Variants in ZBTB20 observed in about 807,000 individuals in gnomAD.
The protein encoded by ZBTB20 is zinc finger and BTB domain containing 20.
ZBTB20 carries 9 observed loss-of-function variants against 56.9 expected under a neutral mutation model. The ratio of observed to expected loss-of-function variants is 0.16; its 90% CI spans 0.10 to 0.28. The LOEUF (loss-of-function observed/expected upper bound fraction) is 0.28, where lower values mean the gene tolerates loss of function less well. Ranked by LOEUF, ZBTB20 falls within the 10% of genes least tolerant of loss-of-function variation. The pLI, the probability that ZBTB20 is intolerant of heterozygous loss-of-function variation, is 1.00. For synonymous variants in ZBTB20, 417 were observed against 420.7 expected (o/e 0.99, Z 0.11); for missense variants, 655 against 1,003.0 (o/e 0.65, Z 4.69).
intron 7 of ZBTB20, among the ~76,000 whole-genome samples, chr3:114,433,255 A>T (rs553303481): frequency 6.6e-6 from 1 of 152,316 alleles, no homozygotes; most frequent in Middle Eastern, 3.4e-3. Flanking sequence ...AAATCCCAGG[A>T]TATCTGTGCT....
intron 4 of ZBTB20, among the ~76,000 whole-genome samples, chr3:114,841,880 G>A (rs1314644700): frequency 1.3e-5 from 2 of 152,132 alleles, no homozygotes; most frequent in Admixed American, 6.5e-5. Flanking sequence ...TGGGAGGACT[G>A]CCCAATGTGA....
chr3:114,573,533 AAGAG>A (rs996267259), intron 6 of ZBTB20, among the ~76,000 whole-genome samples: 3 of 151,290 alleles, frequency 2.0e-5, no homozygotes, highest in African/African-American at 7.3e-5. Context: ...GAGAGAGAGA[AAGAG>A]AGAAAGGGAA....
intron 6 of ZBTB20, among the ~76,000 whole-genome samples, chr3:114,533,477 ATATGGGAC>A (rs1232048365): frequency 6.6e-6 from 1 of 152,176 alleles, no homozygotes; most frequent in East Asian, 1.9e-4. Context: ...CCTCCAAGAA[ATATGGGAC>A]TATGTGAAAA....
At chr3:114,808,767 T>C (rs984267620) in intron 4 of ZBTB20, among the ~76,000 whole-genome samples, 17 of 152,222 alleles carry the variant, frequency 1.1e-4, no homozygotes, top group Non-Finnish European at 1.3e-4. Flanking sequence ...ACCTAAATAA[T>C]GACGTGATGA....
intron 1 of ZBTB20, among the ~76,000 whole-genome samples, chr3:115,111,003 T>C (rs377538295): frequency 1.2e-5 from 1 of 85,006 alleles, no homozygotes; most frequent in Non-Finnish European, 2.6e-5. Flanking sequence ...AAAATAAAAA[T>C]AAAAATAAAT....
intron 5 of ZBTB20, among the ~76,000 whole-genome samples, chr3:114,700,448 G>A (rs1245434286): frequency 6.6e-6 from 1 of 152,054 alleles, no homozygotes; most frequent in Non-Finnish European, 1.5e-5. Flanking sequence ...CAGCTGTCTA[G>A]ACCTCCATAT....
At chr3:114,899,425 G>A (rs1260519320) in intron 4 of ZBTB20, among the ~76,000 whole-genome samples, 1 of 151,700 alleles carries the variant, frequency 6.6e-6, no homozygotes, top group Non-Finnish European at 1.5e-5. Context: ...TCTCTACCAG[G>A]ACAAAAATTA....
chr3:114,651,537 C>T lies in ZBTB20; in HGVS notation c.-295+41991G>A, dbSNP rs1284228165. Among the ~76,000 whole-genome samples the T allele has an allele frequency of 5.7e-5, 8 of 139,998 alleles. No homozygotes were observed. The East Asian group carries it at 1.0e-3, about 18-fold the overall frequency. The allele number at this position is 139,998 out of a possible 152,430, so 91.8% of individuals were successfully genotyped here. ...AGAAATCCAGGGAATAAGTAAAACC[C>T]TTGGTTGGATAGTAAAAAAAAAAAA... On this transcript the variant is annotated intron_variant, in intron 6 of 11. Transcript: ENST00000675478.
chr3:114,468,184 G>C (rs2092624969), intron 7 of ZBTB20, among the ~76,000 whole-genome samples: 1 of 152,098 alleles, frequency 6.6e-6, no homozygotes, highest in South Asian at 2.1e-4. Flanking sequence ...TGTAGCATGT[G>C]GGCAAGTAAG....
intron 5 of ZBTB20, among the ~76,000 whole-genome samples, chr3:114,723,968 A>G (rs182340550): frequency 6.6e-5 from 10 of 151,490 alleles, no homozygotes; most frequent in Non-Finnish European, 1.2e-4. Context: ...TCCCGGGTTC[A>G]CGCCATTCTC....
At chr3:114,989,353 T>C (rs369975894) in intron 2 of ZBTB20, among the ~76,000 whole-genome samples, 2 of 152,216 alleles carry the variant, frequency 1.3e-5, no homozygotes, top group African/African-American at 4.8e-5. Flanking sequence ...ATTTATTAAA[T>C]AGGGAATCCT....
chr3:114,969,660 T>C (rs1334036075), intron 3 of ZBTB20, among the ~76,000 whole-genome samples: 1 of 152,218 alleles, frequency 6.6e-6, no homozygotes, highest in Non-Finnish European at 1.5e-5. Flanking sequence ...GCAAATACTC[T>C]ATAACCAGGT....
intron 5 of ZBTB20, among the ~76,000 whole-genome samples, chr3:114,695,278 T>C (rs1164298080): frequency 6.6e-6 from 1 of 151,908 alleles, no homozygotes; most frequent in Admixed American, 6.6e-5. Flanking sequence ...ACAGAAAGCT[T>C]AGGCCTGCCA....
At chr3:114,594,508 G>A (rs189284806) in intron 6 of ZBTB20, among the ~76,000 whole-genome samples, 1 of 151,894 alleles carries the variant, frequency 6.6e-6, no homozygotes, top group Non-Finnish European at 1.5e-5. Context: ...CTTGTGATCC[G>A]CCCACCTCGG....
chr3:114,812,470 A>G (rs889786447), intron 4 of ZBTB20, among the ~76,000 whole-genome samples: 4 of 152,204 alleles, frequency 2.6e-5, no homozygotes, highest in Admixed American at 6.5e-5. Flanking sequence ...AGCTAGATAC[A>G]GAGTGCCGAT....
intron 3 of ZBTB20, among the ~76,000 whole-genome samples, chr3:114,905,389 A>T (rs1444754711): frequency 6.6e-6 from 1 of 151,872 alleles, no homozygotes; most frequent in Non-Finnish European, 1.5e-5. Context: ...TATCTCCTCC[A>T]GAATCTGATA....
At chr3:114,483,926 T>C (rs2041834328) in intron 7 of ZBTB20, among the ~76,000 whole-genome samples, 1 of 151,864 alleles carries the variant, frequency 6.6e-6, no homozygotes, top group Non-Finnish European at 1.5e-5. Context: ...TCAAAGGACC[T>C]TCTTAGTAAC....
At chr3:114,426,222 C>T (rs1391021050) in intron 7 of ZBTB20, among the ~76,000 whole-genome samples, 2 of 151,740 alleles carry the variant, frequency 1.3e-5, no homozygotes, top group East Asian at 3.9e-4. Flanking sequence ...GCCTGTAGTC[C>T]CAGCTACTTG....
intron 2 of ZBTB20, among the ~76,000 whole-genome samples, chr3:115,000,802 A>G (rs1047286003): frequency 4.6e-5 from 7 of 151,580 alleles, no homozygotes; most frequent in African/African-American, 9.7e-5. Context: ...AAACCTCATT[A>G]TATATTTTTA....
Sources: gnomAD v4.1 joint callset for allele counts (sites outside exome capture counted in the v4.1 genomes callset) on GRCh38, gnomAD v4.1.1 for gene constraint, MANE v1.5 for transcripts, NCBI Gene and HGNC (gene_info 2026-07-23, HGNC 2026-07-21) for gene names.